AKAP6: variants seen among roughly 807,000 people sequenced by gnomAD.
AKAP6 encodes A-kinase anchor protein 6.
In AKAP6, 58 loss-of-function variants were observed where a neutral mutation model predicts 188.5. That is an observed-to-expected ratio of 0.31 (90% CI 0.25 to 0.38). AKAP6 has a LOEUF of 0.38. Ranked by LOEUF, AKAP6 falls within the 10% of genes least tolerant of loss-of-function variation. The pLI is 1.00. For missense variants in AKAP6, 2,710 were observed against 2,740.0 expected (o/e 0.99, Z 0.24); for synonymous variants, 989 against 998.6 (o/e 0.99, Z 0.18).
At chr14:32,513,103 C>G (rs993504463) in intron 2 of AKAP6, among the ~76,000 whole-genome samples, 1 of 152,070 alleles carries the variant, frequency 6.6e-6, no homozygotes. Flanking sequence ...TGGGGTCACT[C>G]CAGGAGGTAA....
At chr14:32,821,207 A>G (rs1026239403) in intron 12 of AKAP6, among the ~76,000 whole-genome samples, 195 bp from the exon 13 acceptor site, 3 of 152,214 alleles carry the variant, frequency 2.0e-5, no homozygotes, top group African/African-American at 7.2e-5. Context: ...ACAAATTACT[A>G]TTGATAGAAA....
At chr14:32,794,644 C>G (rs1336352397) in intron 12 of AKAP6, among the ~76,000 whole-genome samples, 1 of 152,132 alleles carries the variant, frequency 6.6e-6, no homozygotes, top group African/African-American at 2.4e-5. Flanking sequence ...GTTGCTAAAG[C>G]TATGTTAAGA....
At chr14:32,695,317 G>A (rs1041909185) in intron 8 of AKAP6, among the ~76,000 whole-genome samples, 1 of 152,124 alleles carries the variant, frequency 6.6e-6, no homozygotes, top group African/African-American at 2.4e-5. Context: ...TGAGTGTTAA[G>A]CTGAAATGCT....
intron 1 of AKAP6, among the ~76,000 whole-genome samples, chr14:32,386,984 T>C (rs1176154533): frequency 6.6e-6 from 1 of 152,186 alleles, no homozygotes; most frequent in East Asian, 1.9e-4. Flanking sequence ...TTTATACCAG[T>C]ACCATGTTGT....
At chr14:32,798,516 T>C (rs948310050) in intron 12 of AKAP6, among the ~76,000 whole-genome samples, 2 of 152,166 alleles carry the variant, frequency 1.3e-5, no homozygotes, top group Admixed American at 6.5e-5. Context: ...ATGTGGTACA[T>C]ATATACCATG....
At chr14:32,610,749 A>G (rs542251196) in intron 7 of AKAP6, among the ~76,000 whole-genome samples, 45 of 152,354 alleles carry the variant, frequency 3.0e-4, no homozygotes, top group African/African-American at 1.0e-3. Context: ...AAAGTATGGA[A>G]AAGGGAAAAT....
intron 9 of AKAP6, among the ~76,000 whole-genome samples, chr14:32,729,348 A>G (rs545052812): frequency 6.6e-6 from 1 of 152,226 alleles, no homozygotes; most frequent in South Asian, 2.1e-4. Context: ...ATCTCAATCA[A>G]GTCTTCATGC....
chr14:32,620,072 A>G (rs538942680), intron 7 of AKAP6, among the ~76,000 whole-genome samples: 1 of 152,176 alleles, frequency 6.6e-6, no homozygotes, highest in East Asian at 1.9e-4. Context: ...CAAATCTAAG[A>G]GTCTTTTGGA....
At chr14:32,813,133 G>A (rs2034281786) in intron 12 of AKAP6, among the ~76,000 whole-genome samples, 1 of 152,042 alleles carries the variant, frequency 6.6e-6, no homozygotes, top group South Asian at 2.1e-4. Flanking sequence ...CCCTTCCTTA[G>A]GTTATTCTAG....
chr14:32,549,220 C>G (rs1488618823), intron 4 of AKAP6, among the ~76,000 whole-genome samples: 1 of 152,118 alleles, frequency 6.6e-6, no homozygotes, highest in Admixed American at 6.6e-5. Context: ...ACTAAATGCC[C>G]TCATTCCTGT....
intron 11 of AKAP6, among the ~76,000 whole-genome samples, chr14:32,744,719 C>T (rs1384352067): frequency 1.3e-5 from 2 of 152,188 alleles, no homozygotes; most frequent in Non-Finnish European, 2.9e-5. Flanking sequence ...TATCTCTCTA[C>T]CTCCTCTTTA....
At chr14:32,609,605 A>G in intron 7 of AKAP6, among the ~76,000 whole-genome samples, 1 of 152,138 alleles carries the variant, frequency 6.6e-6, no homozygotes, top group East Asian at 1.9e-4. Flanking sequence ...TGCAGAGCTC[A>G]GCAAGGTTGT....
At chr14:32,337,729 C>A (rs552764893) in intron 1 of AKAP6, among the ~76,000 whole-genome samples, 7 of 145,078 alleles carry the variant, frequency 4.8e-5, no homozygotes, top group Non-Finnish European at 1.5e-5. Context: ...CCCCTCCCCC[C>A]ACCCCACAAC....
At chr14:32,497,059 C>T (rs1880357113) in intron 2 of AKAP6, among the ~76,000 whole-genome samples, 7 of 152,130 alleles carry the variant, frequency 4.6e-5, no homozygotes, top group Non-Finnish European at 1.0e-4. Flanking sequence ...GGCATACATC[C>T]TCAATGGCTG....
intron 2 of AKAP6, among the ~76,000 whole-genome samples, chr14:32,460,057 A>G (rs1891273753): frequency 6.6e-6 from 1 of 152,220 alleles, no homozygotes; most frequent in African/African-American, 2.4e-5. Flanking sequence ...TAGTCTTGCC[A>G]AAAAAGAAAG....
At chr14:32,698,433 G>A (rs1890493006) in intron 9 of AKAP6, among the ~76,000 whole-genome samples, 1 of 152,104 alleles carries the variant, frequency 6.6e-6, no homozygotes, top group Admixed American at 6.6e-5. Flanking sequence ...TACAATTTGA[G>A]ACTACCTTAT....
At chr14:32,447,973 A>T (rs1055129042) in intron 2 of AKAP6, among the ~76,000 whole-genome samples, 2 of 152,226 alleles carry the variant, frequency 1.3e-5, no homozygotes, top group Admixed American at 6.5e-5. Context: ...AGAACTAGAA[A>T]TGAAATGCAC....
chr14:32,480,800 T>C (rs1879302631), intron 2 of AKAP6, among the ~76,000 whole-genome samples: 2 of 152,172 alleles, frequency 1.3e-5, no homozygotes, highest in African/African-American at 4.8e-5. Context: ...TTCTGCCCAC[T>C]CAAGCCTGAA....
intron 11 of AKAP6, among the ~76,000 whole-genome samples, chr14:32,736,576 A>G (rs538698542): frequency 1.1e-4 from 16 of 152,236 alleles, no homozygotes; most frequent in African/African-American, 3.9e-4. Flanking sequence ...TGCAGTCATT[A>G]TTTGGGTTCT....
Sources: gnomAD v4.1 joint callset for allele counts (sites outside exome capture counted in the v4.1 genomes callset) on GRCh38, gnomAD v4.1.1 for gene constraint, MANE v1.5 for transcripts, NCBI Gene and HGNC (gene_info 2026-07-23, HGNC 2026-07-21) for gene names.